RANBP2: variants seen among roughly 807,000 people sequenced by gnomAD.
The protein encoded by RANBP2 is RAN binding protein 2, also known as E3 SUMO-protein ligase RanBP2.
Under a neutral mutation model 303.6 loss-of-function variants are expected in RANBP2, and 57 were observed. That is an observed-to-expected ratio of 0.19 (90% CI 0.15 to 0.23). RANBP2 has a LOEUF of 0.23. Among genes scored for constraint, RANBP2 ranks in the 10% least tolerant of loss-of-function variants. The probability of loss-of-function intolerance (pLI) is 1.00; values close to 1 mark genes in which losing one functional copy is unlikely to be tolerated. For synonymous variants in RANBP2, 1,167 were observed against 1,301.5 expected (o/e 0.90, Z 2.23); for missense variants, 3,138 against 3,780.8 (o/e 0.83, Z 4.46).
chr2:109,732,709 C>A, the RANBP2 span: 2 of 603,382 alleles, frequency 3.3e-6, no homozygotes, highest in African/African-American at 1.8e-5. Context: ...ACCTCGTGAT[C>A]CGCCCGCCTT....
chr2:109,355,656 T>G, the RANBP2 span, among the ~76,000 whole-genome samples: 4 of 152,284 alleles, frequency 2.6e-5, no homozygotes, highest in East Asian at 5.8e-4. Flanking sequence ...CTTCGGCCAT[T>G]GGGAGCCTCT....
At chr2:109,365,969 T>C in the RANBP2 span, among the ~76,000 whole-genome samples, 2 of 152,238 alleles carry the variant, frequency 1.3e-5, no homozygotes, top group African/African-American at 2.4e-5. Flanking sequence ...ACAAGAAAAT[T>C]ACATGCTGCT....
chr2:109,353,649 C>G, the RANBP2 span, among the ~76,000 whole-genome samples: 1 of 152,172 alleles, frequency 6.6e-6, no homozygotes, highest in South Asian at 2.1e-4. Flanking sequence ...CTTCTTGGTC[C>G]ATTCCTTCAC....
the RANBP2 span, among the ~76,000 whole-genome samples, chr2:109,760,518 G>A: frequency 2.1e-5 from 3 of 140,444 alleles, no homozygotes; most frequent in Admixed American, 7.3e-5. Context: ...GAGCGGGTGA[G>A]TGCGCCGGCC....
chr2:109,370,897 A>G, the RANBP2 span, among the ~76,000 whole-genome samples: 1 of 152,240 alleles, frequency 6.6e-6, no homozygotes, highest in Non-Finnish European at 1.5e-5. Flanking sequence ...AAATAAATGT[A>G]GTTGGACTGA....
chr2:109,751,782 C>A, the RANBP2 span, among the ~76,000 whole-genome samples: 1 of 24,740 alleles, frequency 4.0e-5, no homozygotes. Flanking sequence ...GAGGCGTGAG[C>A]TTCCCAGGAC....
chr2:109,221,479 A>G, the RANBP2 span, among the ~76,000 whole-genome samples: 2 of 150,642 alleles, frequency 1.3e-5, no homozygotes, highest in African/African-American at 4.9e-5. Flanking sequence ...GCTACTCGGG[A>G]GGCTGAGGCA....
the RANBP2 span, among the ~76,000 whole-genome samples, chr2:109,250,316 G>A: frequency 1.3e-5 from 2 of 151,992 alleles, no homozygotes; most frequent in African/African-American, 2.4e-5. Context: ...CAGAGCCAAC[G>A]TGGGGGTTTC....
the RANBP2 span, among the ~76,000 whole-genome samples, chr2:108,851,237 TC>T: frequency 2.0e-5 from 3 of 152,090 alleles, no homozygotes; most frequent in African/African-American, 7.2e-5. Flanking sequence ...TCCAGAAATC[TC>T]CATATGTCCA....
rs376415033 is a variant in RANBP2, at chr2:108,723,590, T to C, written c.72+3912T>C. 3.9e-5 allele frequency among the ~76,000 whole-genome samples: 6 copies of C among 152,336 alleles called. No individual in the cohort carries two copies. In the East Asian group the frequency reaches 9.6e-4, roughly 24 times the overall value. On this transcript the variant is annotated intron_variant, in intron 1 of 28. Coordinates refer to ENST00000283195, the MANE Select transcript of RANBP2 (RefSeq NM_006267.5). ...GCGCCGGGCCCCATTTTAGACATTCTGTACTGGTTATTATGCTCCTCCAAA... is the reference window on the plus strand; with the variant it reads ...GCGCCGGGCCCCATTTTAGACATTCCGTACTGGTTATTATGCTCCTCCAAA...
At chr2:108,937,510 T>A in the RANBP2 span, among the ~76,000 whole-genome samples, 33 of 152,248 alleles carry the variant, frequency 2.2e-4, no homozygotes, top group African/African-American at 5.5e-4. Flanking sequence ...TATGAATGTA[T>A]GCATGTGTAA....
the RANBP2 span, among the ~76,000 whole-genome samples, chr2:109,733,777 T>G: frequency 6.7e-6 from 1 of 149,272 alleles, no homozygotes; most frequent in Non-Finnish European, 1.5e-5. Flanking sequence ...GAGGCTGAGG[T>G]GGGAGGATTG....
chr2:109,703,913 C>T, the RANBP2 span, among the ~76,000 whole-genome samples: 1 of 152,208 alleles, frequency 6.6e-6, no homozygotes, highest in Admixed American at 6.5e-5. Flanking sequence ...CGTAAATTGG[C>T]TCTTGTCATG....
In RANBP2 at chr2:108,764,599, T is replaced by G; in HGVS notation, c.4060T>G (p.Ser1354Ala). 1 of 1,613,964 alleles carries G rather than the reference T, an allele frequency of 6.2e-7. No individual in the cohort carries two copies. The highest frequency in any genetic ancestry group is 8.5e-7 in the Non-Finnish European group (1 of 1,179,934). The change falls in exon 20 of 29, where the codon TCT (serine) becomes GCT (alanine). Residue 1354 changes from serine (S) to alanine (A), a missense_variant. By Grantham distance (99) the Ser-to-Ala change is moderately conservative (BLOSUM62 1). This residue lies in a region of RANBP2 where 388 missense variants were observed against 328.5 expected (regional missense o/e 1.18). Transcript: ENST00000283195. ...FEFQVAKKEG[S>A]WWHCNSCSLK... is the part of the protein sequence containing the mutation. ...ATTTCAGGTTGCAAAGAAAGAAGGG[T>G]CTTGGTGGCATTGTAACAGCTGCTC...
the RANBP2 span, among the ~76,000 whole-genome samples, chr2:109,399,975 T>G: frequency 6.6e-6 from 1 of 152,314 alleles, no homozygotes; most frequent in Non-Finnish European, 1.5e-5. Context: ...CGCTCCACAT[T>G]CCTTCCAGAG....
the RANBP2 span, among the ~76,000 whole-genome samples, chr2:109,190,655 C>G: frequency 6.6e-6 from 1 of 152,108 alleles, no homozygotes; most frequent in South Asian, 2.1e-4. Context: ...CTTATTGTTT[C>G]ATTTCTACAG....
chr2:109,291,611 C>T, the RANBP2 span, among the ~76,000 whole-genome samples: 2 of 152,192 alleles, frequency 1.3e-5, no homozygotes, highest in African/African-American at 2.4e-5. Context: ...GGCAGCTCCT[C>T]GTGGTGGGGA....
At chr2:109,242,868 A>G in the RANBP2 span, among the ~76,000 whole-genome samples, 1 of 152,286 alleles carries the variant, frequency 6.6e-6, no homozygotes, top group East Asian at 1.9e-4. Flanking sequence ...CAGATTATCT[A>G]TTCTCACAAA....
At chr2:109,403,063 A>G in the RANBP2 span, among the ~76,000 whole-genome samples, 2 of 152,258 alleles carry the variant, frequency 1.3e-5, no homozygotes, top group South Asian at 2.1e-4. Flanking sequence ...TCTCGCTGTA[A>G]TGGACTGGTT....
Sources: gnomAD v4.1 joint callset for allele counts (sites outside exome capture counted in the v4.1 genomes callset) on GRCh38, gnomAD v4.1.1 for gene constraint, gnomAD v4.1.1 regional missense constraint, MANE v1.5 for transcripts, NCBI Gene and HGNC (gene_info 2026-07-23, HGNC 2026-07-21) for gene names.